Variants in MAP3K12 observed in about 807,000 individuals in gnomAD.
The protein encoded by MAP3K12 is MAPK-upstream kinase.
A neutral mutation model predicts 87.5 loss-of-function variants in MAP3K12; 14 were observed. That is an observed-to-expected ratio of 0.16 (90% CI 0.11 to 0.25). The LOEUF (loss-of-function observed/expected upper bound fraction) is 0.25. MAP3K12 is among the 10% of genes least tolerant of loss of function. The pLI is 1.00. For synonymous variants in MAP3K12, 469 were observed against 452.5 expected, an observed-to-expected ratio of 1.04 and a Z score of -0.46; for missense variants, 802 against 1,140.4, an observed-to-expected ratio of 0.70 and a Z score of 4.27.
chr12:53,482,957 C>T lies in MAP3K12; in HGVS notation c.1846G>A (p.Gly616Arg). 1 of 1,601,386 alleles carries T rather than the reference C, an allele frequency of 6.2e-7. No homozygotes were observed. Among genetic ancestry groups the T allele is most frequent in the South Asian group, 1.1e-5 (1 of 90,084 alleles). Residue 616 changes from glycine to arginine, a missense_variant, in exon 11 of 14, where the codon GGA becomes AGA. Coordinates refer to ENST00000547488, the MANE Select transcript of MAP3K12 (RefSeq NM_001193511.2). The stretch of plus-strand genomic sequence containing the variant: ...GGGCAGGCCTCCCAGGCTGAGGGTC[C>T]CCCTCCTAGGCCCCCTGGGCTTCCT... ...GPGSPGGLGG[G>R]PSAWEACPPA...
Position 53,481,271 on chromosome 12 carries a change from T to G in MAP3K12, c.2590A>C (p.Asn864His). 1 of 1,553,414 alleles carries G rather than the reference T, an allele frequency of 6.4e-7. No homozygotes were observed. The highest frequency in any genetic ancestry group is 1.2e-5 in the South Asian group (1 of 82,870). The part of the protein sequence containing the change: ...QELLRERGPP[N>H]SEDSDCDSTE... ...CTGTCACAGTCTGAGTCCTCAGAAT[T>G]GGGAGGGCCCTGTGAGAAAGAGTAG... is the stretch of plus-strand genomic sequence containing the variant. Residue 864 changes from asparagine (N) to histidine (H), a missense_variant, in exon 14 of 14, where the codon AAT becomes CAT. Around this residue, in one of 5 missense-constraint regions of MAP3K12, gnomAD observed 490 missense variants for 496.6 expected, o/e 0.99. Transcript: ENST00000547488.
At chr12:53,481,884 G>C in intron 13 of MAP3K12, 57 bp downstream of exon 13, 1 of 1,570,458 alleles carries the variant, frequency 6.4e-7, no homozygotes, top group African/African-American at 1.3e-5. Flanking sequence ...AAAAGACAAG[G>C]CATCTGCTTA....
intron 6 of MAP3K12, chr12:53,484,689 T>G: frequency 2.3e-6 from 1 of 443,866 alleles, no homozygotes; most frequent in Non-Finnish European, 4.1e-6. Flanking sequence ...CTTCCCTGGG[T>G]CTAGGTTCCA....
Position 53,481,775 on chromosome 12 carries a change from A to G in MAP3K12, c.2580+166T>C, listed in dbSNP as rs1363980362. The G allele has an allele frequency of 5.1e-6, 4 of 778,050 alleles. No homozygotes were observed. The African/African-American group carries it at 5.3e-5, about 10-fold the overall frequency. The allele number at this position is 778,050 out of a possible 1,614,324, so 48.2% of individuals were successfully genotyped here. On this transcript the variant is annotated intron_variant, in intron 13 of 13. Coordinates refer to ENST00000547488, the MANE Select transcript of MAP3K12 (RefSeq NM_001193511.2). ...TGCAAGCTACTGGTCAGGCATCGTAATAGATGCTCTGTGCAAGAGGCTTCT... is the reference window on the plus strand; with the variant it reads ...TGCAAGCTACTGGTCAGGCATCGTAGTAGATGCTCTGTGCAAGAGGCTTCT...
At chr12:53,483,519 A>G (rs761724522) in intron 9 of MAP3K12, 33 bp from the exon 10 acceptor site, 1 of 1,613,914 alleles carries the variant, frequency 6.2e-7, no homozygotes, top group South Asian at 1.1e-5. Context: ...AGCTGGGCAA[A>G]TGACCAGGAA....
chr12:53,499,004 G>GTGTGTGTGTGTGTGTGTGTGTGTGT (rs1943612157), intron 1 of MAP3K12, among the ~76,000 whole-genome samples: 2 of 129,706 alleles, frequency 1.5e-5, no homozygotes, highest in African/African-American at 5.9e-5. Context: ...GTGTGTGTGT[G>GTGTGTGTGTGTGTGTGTGTGTGTGT]GAGATGGTGG....
Position 53,482,684 on chromosome 12 carries a change from C to G in MAP3K12, c.2119G>C (p.Gly707Arg), listed in dbSNP as rs530091651. ...CTTCCAGTTCCCAGAAGCCCCACACCTTCACCAGGCCCTACTGGAGGAGGT... is the reference window on the plus strand; with the variant it reads ...CTTCCAGTTCCCAGAAGCCCCACACGTTCACCAGGCCCTACTGGAGGAGGT... ...EPPPPVGPGE[G>R]VGLLGTGREG... Residue 707 changes from glycine (G) to arginine (R), a missense_variant, in exon 11 of 14, where the codon GGT becomes CGT. This residue lies in a region of MAP3K12 where 490 missense variants were observed against 496.6 expected (regional missense o/e 0.99). Transcript: ENST00000547488. 3 of 1,613,888 alleles carry G rather than the reference C, an allele frequency of 1.9e-6. No homozygotes were observed. The highest frequency in any genetic ancestry group is 2.5e-6 in the Non-Finnish European group (3 of 1,180,042).
chr12:53,493,417 G>C (rs939278833), intron 1 of MAP3K12, among the ~76,000 whole-genome samples: 1 of 152,144 alleles, frequency 6.6e-6, no homozygotes, highest in South Asian at 2.1e-4. Flanking sequence ...TGTGGGGTTG[G>C]CATTGGGGGT....
intron 1 of MAP3K12, among the ~76,000 whole-genome samples, chr12:53,488,121 TA>T (rs1943286333): frequency 6.6e-6 from 1 of 152,170 alleles, no homozygotes; most frequent in African/African-American, 2.4e-5. Flanking sequence ...GTGAAGGTTG[TA>T]ACCACAGAGT....
intron 1 of MAP3K12, chr12:53,487,835 G>A (rs1476972515): frequency 5.8e-6 from 1 of 172,152 alleles, no homozygotes; most frequent in Non-Finnish European, 1.3e-5. Flanking sequence ...GCACACACAG[G>A]TATCAGAAGG....
intron 1 of MAP3K12, among the ~76,000 whole-genome samples, chr12:53,490,180 T>A (rs926788108): frequency 3.9e-5 from 6 of 152,118 alleles, no homozygotes; most frequent in African/African-American, 1.4e-4. Flanking sequence ...GGTGGGCACC[T>A]GTAGTCCCAG....
At chr12:53,496,973 C>T (rs887306369) in intron 1 of MAP3K12, among the ~76,000 whole-genome samples, 2 of 152,132 alleles carry the variant, frequency 1.3e-5, no homozygotes, top group African/African-American at 2.4e-5. Context: ...CATTGCTAAA[C>T]GGGGACAGTG....
At chr12:53,493,954 C>G (rs1477684809) in intron 1 of MAP3K12, 1 of 152,330 alleles carries the variant, frequency 6.6e-6, no homozygotes, top group Non-Finnish European at 1.5e-5. Flanking sequence ...AGGGAAAGAT[C>G]TCAGGCTAGT....
chr12:53,493,524 CAT>C (rs1943472910), intron 1 of MAP3K12, among the ~76,000 whole-genome samples: 2 of 152,078 alleles, frequency 1.3e-5, no homozygotes, highest in African/African-American at 2.4e-5. Flanking sequence ...GGAGCTGAGA[CAT>C]ATACAGACAC....
chr12:53,498,930 G>T (rs1943603190), intron 1 of MAP3K12, among the ~76,000 whole-genome samples: 2 of 1,684 alleles, frequency 1.2e-3, no homozygotes, highest in African/African-American at 1.8e-3. Context: ...GTGTGTGTGT[G>T]TGTGTGTGTG....
chr12:53,495,356 A>AG (rs1255814966), intron 1 of MAP3K12, among the ~76,000 whole-genome samples: 3 of 145,952 alleles, frequency 2.1e-5, no homozygotes, highest in African/African-American at 7.5e-5. Context: ...AAAAAAAAAA[A>AG]AAAAAAAAAA....
chr12:53,485,271 C>T, intron 5 of MAP3K12, 46 bp downstream of exon 5: 1 of 1,604,202 alleles, frequency 6.2e-7, no homozygotes, highest in East Asian at 2.2e-5. Context: ...CACAATCCCC[C>T]CAGGGCTGGC....
At chr12:53,488,239 C>T (rs1233139150) in intron 1 of MAP3K12, among the ~76,000 whole-genome samples, 2 of 152,206 alleles carry the variant, frequency 1.3e-5, no homozygotes, top group Non-Finnish European at 2.9e-5. Flanking sequence ...CCCTTCAGTC[C>T]AGCGGCTCTC....
Position 53,482,961 on chromosome 12 carries a change from T to C in MAP3K12, c.1842A>G (p.Gly614=). 6.3e-7 allele frequency: 1 copy of C among 1,595,862 alleles called. No homozygotes were observed. Among genetic ancestry groups the C allele is most frequent in the Non-Finnish European group, 8.5e-7 (1 of 1,172,878 alleles). The change falls in exon 11 of 14, where the codon GGA becomes GGG. Residue 614 remains glycine (G), a synonymous_variant. Coordinates refer to ENST00000547488, the MANE Select transcript of MAP3K12 (RefSeq NM_001193511.2). ...PGGPGSPGGL[G]GGPSAWEACP... ...AGGCCTCCCAGGCTGAGGGTCCCCC[T>C]CCTAGGCCCCCTGGGCTTCCTGGTC... is the stretch of plus-strand genomic sequence containing the variant.
Sources: gnomAD v4.1 joint callset for allele counts (sites outside exome capture counted in the v4.1 genomes callset) on GRCh38, gnomAD v4.1.1 for gene constraint, gnomAD v4.1.1 regional missense constraint, MANE v1.5 for transcripts, NCBI Gene and HGNC (gene_info 2026-07-23, HGNC 2026-07-21) for gene names.